RMRP: variants seen among roughly 807,000 people sequenced by gnomAD.
RMRP encodes RNase MRP RNA.
chr9:35,657,881 G>C (rs928825069), exon 1 of RMRP: 2 of 695,272 alleles, frequency 2.9e-6, no homozygotes, highest in Non-Finnish European at 5.2e-6. Flanking sequence ...GCGGACTTTG[G>C]AGTGGGAAGC....
exon 1 of RMRP, chr9:35,657,844 A>G (rs1587918077): frequency 4.3e-6 from 3 of 693,490 alleles, no homozygotes; most frequent in Admixed American, 2.0e-5. Context: ...CCCCCGCGCC[A>G]CGCCGCTCAG....
In RMRP at chr9:35,657,833, G is replaced by A. The variant is rs1051076135; in HGVS notation, n.185C>T. 3.2e-5 allele frequency: 22 copies of A among 693,092 alleles called. No individual in the cohort carries two copies. Among genetic ancestry groups the A allele is most frequent in the Admixed American group, 4.0e-5 (2 of 49,594 alleles). The allele number at this position is 693,092 out of a possible 1,614,324, so 42.9% of individuals were successfully genotyped here. A position where few individuals can be genotyped will look rare whatever the true frequency, so the allele number is the denominator to read the frequency against. Reference sequence around the variant, plus strand: ...TAACTAGAGGGAGCTGACGGATGACGCCCCCGCGCCACGCCGCTCAGCGGG... The same window carrying A: ...TAACTAGAGGGAGCTGACGGATGACACCCCCGCGCCACGCCGCTCAGCGGG... On this transcript the variant is annotated non_coding_transcript_exon_variant, in exon 1 of 1. Transcript: ENST00000363046.
chr9:35,657,981 C>T lies in RMRP; in HGVS notation n.37G>A, dbSNP rs1396054526. ...GCGGAAAGGGGAGGAACAGAGTCCT[C>T]AGTGTGTAGCCTAGGATACAGGCCT... On this transcript the variant is annotated non_coding_transcript_exon_variant, in exon 1 of 1. Coordinates refer to ENST00000363046, the Ensembl canonical transcript of RMRP. 2.7e-5 allele frequency: 19 copies of T among 700,302 alleles called. No homozygotes were observed. Among genetic ancestry groups the T allele is most frequent in the Admixed American group, 1.2e-4 (6 of 49,998 alleles). 43.4% of individuals were successfully genotyped at this position (700,302 alleles called of 1,614,324 possible).
At chr9:35,657,935 G>C (rs1282617590) in exon 1 of RMRP, 1 of 700,468 alleles carries the variant, frequency 1.4e-6, no homozygotes, top group Non-Finnish European at 2.6e-6. Flanking sequence ...CTCTGCCCGA[G>C]GTCCGGGGAC....
At chr9:35,657,887 G>C (rs898143345) in exon 1 of RMRP, 1 of 700,488 alleles carries the variant, frequency 1.4e-6, no homozygotes, top group South Asian at 1.5e-5. Context: ...TTTGGAGTGG[G>C]AAGCGGGGAA....
Position 35,657,894 on chromosome 9 carries a change from GGAAT to G in RMRP, n.120_123del, listed in dbSNP as rs1191061440. On this transcript the variant is annotated non_coding_transcript_exon_variant, in exon 1 of 1. Coordinates refer to ENST00000363046, the Ensembl canonical transcript of RMRP. Reference sequence around the variant, plus strand: ...TGGCGGACTTTGGAGTGGGAAGCGGGGAATGTCTACGTGCGTATGCACGTGGCAC... The same window carrying G: ...TGGCGGACTTTGGAGTGGGAAGCGGGGTCTACGTGCGTATGCACGTGGCAC... 5.7e-6 allele frequency: 4 copies of G among 697,184 alleles called. No individual in the cohort carries two copies. Among genetic ancestry groups the G allele is most frequent in the Non-Finnish European group, 1.0e-5 (4 of 384,764 alleles). 43.2% of individuals were successfully genotyped at this position (697,184 alleles called of 1,614,324 possible).
chr9:35,657,786 G>T (rs1193906088), exon 1 of RMRP: 1 of 697,850 alleles, frequency 1.4e-6, no homozygotes, highest in East Asian at 2.7e-5. Flanking sequence ...TGTGGTTGGT[G>T]CGCGGACACG....
rs995230090 is a variant in RMRP, at chr9:35,657,848, C to T, written n.170G>A. The T allele has an allele frequency of 5.9e-5, 41 of 693,748 alleles. No homozygotes were observed. Among genetic ancestry groups the T allele is most frequent in the African/African-American group, 2.5e-4 (13 of 51,180 alleles). 43.0% of individuals were successfully genotyped at this position (693,748 alleles called of 1,614,324 possible). A position where few individuals can be genotyped will look rare whatever the true frequency, so the allele number is the denominator to read the frequency against. On this transcript the variant is annotated non_coding_transcript_exon_variant, in exon 1 of 1. Coordinates refer to ENST00000363046, the Ensembl canonical transcript of RMRP. ...GACGGATGACGCCCCCGCGCCACGC[C>T]GCTCAGCGGGATACGCTTCTTGGCG...
At chr9:35,657,812 T>C (rs1488804524) in exon 1 of RMRP, 1 of 692,594 alleles carries the variant, frequency 1.4e-6, no homozygotes, top group African/African-American at 2.0e-5. Flanking sequence ...CCTGCGTAAC[T>C]AGAGGGAGCT....
At chr9:35,657,957 C>A (rs544069410) in exon 1 of RMRP, 2 of 700,378 alleles carry the variant, frequency 2.9e-6, no homozygotes, top group Admixed American at 4.0e-5. Context: ...TTCCCCTAGG[C>A]GGAAAGGGGA....
Position 35,657,873 on chromosome 9 carries a change from G to A in RMRP, n.145C>T, listed in dbSNP as rs757576534. ...CGCTCAGCGGGATACGCTTCTTGGC[G>A]GACTTTGGAGTGGGAAGCGGGGAAT... On this transcript the variant is annotated non_coding_transcript_exon_variant, in exon 1 of 1. Transcript: ENST00000363046. 1.3e-4 allele frequency: 89 copies of A among 694,012 alleles called. No individual in the cohort carries two copies. Among genetic ancestry groups the A allele is most frequent in the Middle Eastern group, 1.1e-3 (3 of 2,716 alleles). The allele number at this position is 694,012 out of a possible 1,614,324, so 43.0% of individuals were successfully genotyped here.
Position 35,657,939 on chromosome 9 carries a change from C to G in RMRP, n.79G>C, listed in dbSNP as rs756128568. ...CACGTGGCACTCTCTGCCCGAGGTCCGGGGACTTTCCCCTAGGCGGAAAGG... is the reference window on the plus strand; with the variant it reads ...CACGTGGCACTCTCTGCCCGAGGTCGGGGGACTTTCCCCTAGGCGGAAAGG... On this transcript the variant is annotated non_coding_transcript_exon_variant, in exon 1 of 1. Coordinates refer to ENST00000363046, the Ensembl canonical transcript of RMRP. The G allele has an allele frequency of 7.1e-6, 5 of 700,454 alleles. No homozygotes were observed. 43.4% of individuals were successfully genotyped at this position (700,454 alleles called of 1,614,324 possible).
At chr9:35,657,935 G>GA (rs768594644) in exon 1 of RMRP, 7 of 700,468 alleles carry the variant, frequency 1.0e-5, no homozygotes, top group South Asian at 4.4e-5. Context: ...CTCTGCCCGA[G>GA]GTCCGGGGAC....
In RMRP at chr9:35,657,756, C is replaced by T. The variant is rs727502774; in HGVS notation, n.262G>A. ...CGTGGTCTCGGGAACAAAAAACAGC[C>T]GCGCTGAGAATGAGCCCCGTGTGGT... On this transcript the variant is annotated non_coding_transcript_exon_variant, in exon 1 of 1. Coordinates refer to ENST00000363046, the Ensembl canonical transcript of RMRP. 6 of 685,554 alleles carry T rather than the reference C, an allele frequency of 8.8e-6. No individual in the cohort carries two copies. Among genetic ancestry groups the T allele is most frequent in the Admixed American group, 6.1e-5 (3 of 49,302 alleles). The allele number at this position is 685,554 out of a possible 1,614,324, so 42.5% of individuals were successfully genotyped here.
downstream of RMRP, chr9:35,657,751 A>G (rs572399988): frequency 3.7e-4 from 253 of 683,546 alleles, no homozygotes; most frequent in African/African-American, 3.7e-3. Flanking sequence ...GGAACAAAAA[A>G]CAGCCGCGCT....
At chr9:35,657,972 C>CAG in exon 1 of RMRP, 1 of 700,456 alleles carries the variant, frequency 1.4e-6, no homozygotes, top group Non-Finnish European at 2.6e-6. Context: ...AGGGGAGGAA[C>CAG]AGAGTCCTCA....
rs1823610073 is a variant in RMRP, at chr9:35,657,850, C to T, written n.168G>A. 4.3e-6 allele frequency: 3 copies of T among 693,856 alleles called. No homozygotes were observed. Among genetic ancestry groups the T allele is most frequent in the Non-Finnish European group, 5.2e-6 (2 of 384,764 alleles). 43.0% of individuals were successfully genotyped at this position (693,856 alleles called of 1,614,324 possible). A position where few individuals can be genotyped will look rare whatever the true frequency, so the allele number is the denominator to read the frequency against. ...CGGATGACGCCCCCGCGCCACGCCG[C>T]TCAGCGGGATACGCTTCTTGGCGGA... On this transcript the variant is annotated non_coding_transcript_exon_variant, in exon 1 of 1. Transcript: ENST00000363046.
chr9:35,657,823 G>C (rs948931144), exon 1 of RMRP: 2 of 692,778 alleles, frequency 2.9e-6, no homozygotes, highest in Non-Finnish European at 5.2e-6. Context: ...AGAGGGAGCT[G>C]ACGGATGACG....
chr9:35,657,825 C>CG (rs1563906754), exon 1 of RMRP: 1 of 700,448 alleles, frequency 1.4e-6, no homozygotes, highest in South Asian at 1.5e-5. Flanking sequence ...AGGGAGCTGA[C>CG]GGATGACGCC....
Sources: gnomAD v4.1 joint callset for allele counts on GRCh38, gnomAD v4.1.1 for gene constraint, MANE v1.5 for transcripts, NCBI Gene and HGNC (gene_info 2026-07-23, HGNC 2026-07-21) for gene names.